The following NLGN1 variants were observed in gnomAD, a reference collection of about 807,000 sequenced individuals.
NLGN1 encodes neuroligin 1.
Under a neutral mutation model 65.5 loss-of-function variants are expected in NLGN1, and 12 were observed. That is an observed-to-expected ratio of 0.18 (90% CI 0.12 to 0.30). The LOEUF (loss-of-function observed/expected upper bound fraction) is 0.30. Ranked by LOEUF, NLGN1 falls within the 10% of genes least tolerant of loss-of-function variation. The pLI is 1.00. For synonymous variants in NLGN1, 350 were observed against 359.5 expected, an observed-to-expected ratio of 0.97 and a Z score of 0.30; for missense variants, 750 against 1,007.1, an observed-to-expected ratio of 0.74 and a Z score of 3.46.
At position 174,255,043 on chromosome 3, in the gene NLGN1, C is replaced by A. The variant is rs185126425; in HGVS notation, c.647-20272C>A. Among the ~76,000 whole-genome samples the A allele has an allele frequency of 3.8e-3, 574 of 152,270 alleles. 3 individuals are homozygous for A. Among genetic ancestry groups the A allele is most frequent in the Middle Eastern group, 0.02 (6 of 294 alleles). ...GGGATGGTGTTAAACAAATTTCCAA[C>A]TCAGTGTTGGTACACAGCTACAAAT... On this transcript the variant is annotated intron_variant, in intron 4 of 6. Coordinates refer to ENST00000457714, the Ensembl canonical transcript of NLGN1.
intron 4 of NLGN1, among the ~76,000 whole-genome samples, chr3:173,822,638 A>G (rs1294469119): frequency 1.3e-5 from 2 of 152,098 alleles, no homozygotes; most frequent in African/African-American, 4.8e-5. Flanking sequence ...CTGATCCCCA[A>G]GCATTCTGGC....
chr3:174,224,841 G>C (rs1739316243), intron 4 of NLGN1, among the ~76,000 whole-genome samples: 1 of 152,138 alleles, frequency 6.6e-6, no homozygotes, highest in Non-Finnish European at 1.5e-5. Flanking sequence ...GAATCCCCAG[G>C]ATTTCAATAA....
At chr3:174,075,268 G>A (rs898656071) in intron 4 of NLGN1, among the ~76,000 whole-genome samples, 2 of 151,986 alleles carry the variant, frequency 1.3e-5, no homozygotes, top group Non-Finnish European at 2.9e-5. Context: ...ATAAGAACTG[G>A]GGAAACTTAG....
chr3:173,884,335 C>T (rs556488982), intron 4 of NLGN1, among the ~76,000 whole-genome samples: 13 of 152,214 alleles, frequency 8.5e-5, no homozygotes, highest in South Asian at 8.3e-4. Flanking sequence ...TCTAGGCATG[C>T]GCAAACATCC....
At chr3:174,241,058 C>A (rs9824637) in intron 4 of NLGN1, among the ~76,000 whole-genome samples, 46,383 of 151,984 alleles carry the variant, frequency 0.31, 7,690 homozygotes, top group East Asian at 0.49. Flanking sequence ...CAGGTGCCAT[C>A]CTCATCCAAC....
chr3:173,755,265 G>A (rs1776925013), intron 3 of NLGN1, among the ~76,000 whole-genome samples: 1 of 152,006 alleles, frequency 6.6e-6, no homozygotes, highest in Non-Finnish European at 1.5e-5. Flanking sequence ...TAATATTGAT[G>A]TATCTATTGC....
chr3:174,244,030 A>T (rs1269956546), intron 4 of NLGN1, among the ~76,000 whole-genome samples: 2 of 152,160 alleles, frequency 1.3e-5, no homozygotes, highest in African/African-American at 4.8e-5. Flanking sequence ...CTTCTGATTC[A>T]TTTTTGTGTT....
At chr3:174,235,152 T>C (rs945600136) in intron 4 of NLGN1, among the ~76,000 whole-genome samples, 1 of 152,014 alleles carries the variant, frequency 6.6e-6, no homozygotes, top group East Asian at 1.9e-4. Flanking sequence ...AGATTTCATA[T>C]GTCCAGGAGT....
At chr3:173,859,899 G>C (rs1479989652) in intron 4 of NLGN1, among the ~76,000 whole-genome samples, 1 of 151,746 alleles carries the variant, frequency 6.6e-6, no homozygotes, top group Non-Finnish European at 1.5e-5. Flanking sequence ...TCTGTCTGTT[G>C]CTCTAGTACG....
chr3:173,945,795 C>T (rs550328728), intron 4 of NLGN1, among the ~76,000 whole-genome samples: 15 of 152,226 alleles, frequency 9.9e-5, no homozygotes, highest in African/African-American at 3.6e-4. Flanking sequence ...TGCTTCTTTC[C>T]TACTCTTCCT....
intron 4 of NLGN1, among the ~76,000 whole-genome samples, chr3:174,030,077 A>T (rs1729646425): frequency 6.6e-6 from 1 of 151,674 alleles, no homozygotes; most frequent in Non-Finnish European, 1.5e-5. Flanking sequence ...ACTGGATAAC[A>T]CATGTGTTAT....
intron 4 of NLGN1, among the ~76,000 whole-genome samples, chr3:174,007,773 CAGT>C (rs1297907239): frequency 1.3e-5 from 2 of 152,156 alleles, no homozygotes; most frequent in Non-Finnish European, 2.9e-5. Context: ...TGTTTTATCA[CAGT>C]GCATATCTGA....
Position 173,869,309 on chromosome 3 carries a change from A to G in NLGN1, c.646+61477A>G, listed in dbSNP as rs115707272. On this transcript the variant is annotated intron_variant, in intron 4 of 6. Transcript: ENST00000457714. ...TTTTTCTTAACATAGAAATTAATAT[A>G]TGCCTTTAAAACAAGTTCTACATGT... Among the ~76,000 whole-genome samples the G allele has an allele frequency of 1.6e-3, 239 of 152,336 alleles. 1 individual carries two copies. Among genetic ancestry groups the G allele is most frequent in the African/African-American group, 5.5e-3 (230 of 41,598 alleles).
At chr3:173,772,999 C>G (rs893555318) in intron 3 of NLGN1, among the ~76,000 whole-genome samples, 1 of 152,154 alleles carries the variant, frequency 6.6e-6, no homozygotes, top group East Asian at 1.9e-4. Flanking sequence ...TCAAATTATT[C>G]CAGATCAACA....
rs556359737 is a variant in NLGN1, at chr3:173,574,463, TTTAAA to T, written c.-320-29810_-320-29806del. Reference sequence around the variant, plus strand: ...AATTTAAAATTTTATATTTAAATAATTTAAATTAAACTCTTTATTAGTAAGTAATT... The same window carrying T: ...AATTTAAAATTTTATATTTAAATAATTTAAACTCTTTATTAGTAAGTAATT... On this transcript the variant is annotated intron_variant, in intron 2 of 6. Coordinates refer to ENST00000457714, the Ensembl canonical transcript of NLGN1. 4.7e-4 allele frequency among the ~76,000 whole-genome samples: 72 copies of T among 152,150 alleles called. No individual in the cohort carries two copies. In the East Asian group the frequency reaches 0.014, roughly 29 times the overall value.
intron 2 of NLGN1, among the ~76,000 whole-genome samples, chr3:173,588,558 GT>G (rs1747897608): frequency 6.6e-6 from 1 of 152,152 alleles, no homozygotes; most frequent in African/African-American, 2.4e-5. Context: ...CATTCCAGGA[GT>G]TTGAAATTAT....
intron 3 of NLGN1, among the ~76,000 whole-genome samples, chr3:173,623,556 C>G (rs545035238): frequency 4.3e-4 from 66 of 152,106 alleles, no homozygotes; most frequent in South Asian, 1.5e-3. Flanking sequence ...CAAAGAGAAG[C>G]ATTGAGATGG....
At chr3:173,824,102 A>G (rs1017842884) in intron 4 of NLGN1, among the ~76,000 whole-genome samples, 1 of 152,074 alleles carries the variant, frequency 6.6e-6, no homozygotes, top group Non-Finnish European at 1.5e-5. Context: ...CAAAAGTACA[A>G]TAACACATTT....
intron 4 of NLGN1, among the ~76,000 whole-genome samples, chr3:174,023,070 A>G (rs151237470): frequency 1.3e-5 from 2 of 152,270 alleles, no homozygotes; most frequent in East Asian, 3.9e-4. Context: ...TTCATAAATT[A>G]TTGGAAGAGG....
Sources: allele counts gnomAD v4.1 joint callset (sites outside exome capture counted in the v4.1 genomes callset), GRCh38; gene constraint gnomAD v4.1.1; transcripts MANE v1.5; gene names NCBI Gene and HGNC (gene_info 2026-07-23, HGNC 2026-07-21).